Variants in HDAC4 observed in about 807,000 individuals in gnomAD.
The protein encoded by HDAC4 is histone deacetylase 4.
Under a neutral mutation model 135.1 loss-of-function variants are expected in HDAC4, and 16 were observed. The ratio of observed to expected loss-of-function variants is 0.12; its 90% CI spans 0.08 to 0.18. HDAC4 has a LOEUF of 0.18. Among genes scored for constraint, HDAC4 ranks in the 10% least tolerant of loss-of-function variants. The probability of loss-of-function intolerance (pLI) is 1.00; values close to 1 mark genes in which losing one functional copy is unlikely to be tolerated. For missense variants in HDAC4, 1,143 were observed against 1,511.8 expected (o/e 0.76, Z 4.05); for synonymous variants, 685 against 653.4 (o/e 1.05, Z -0.74).
chr2:239,314,226 C>T (rs930273858), intron 2 of HDAC4, among the ~76,000 whole-genome samples: 20 of 152,136 alleles, frequency 1.3e-4, no homozygotes, highest in African/African-American at 3.6e-4. Context: ...CCAAGAAGGA[C>T]GGACATAAAG....
intron 1 of HDAC4, among the ~76,000 whole-genome samples, chr2:239,361,664 C>T (rs1268243540): frequency 6.6e-6 from 1 of 152,216 alleles, no homozygotes; most frequent in African/African-American, 2.4e-5. Context: ...GCAGTCTTTT[C>T]TATTGGATAT....
intron 3 of HDAC4, among the ~76,000 whole-genome samples, chr2:239,212,284 G>A (rs747040308): frequency 2.0e-5 from 3 of 152,116 alleles, no homozygotes; most frequent in African/African-American, 4.8e-5. Flanking sequence ...TGAGCTGGGC[G>A]GGCAGGGGGC....
At chr2:239,255,656 G>A (rs1030338785) in intron 2 of HDAC4, among the ~76,000 whole-genome samples, 3 of 152,192 alleles carry the variant, frequency 2.0e-5, no homozygotes, top group Admixed American at 1.3e-4. Flanking sequence ...AGGAGGAAGA[G>A]GAGGCCACTG....
chr2:239,076,416 C>A (rs186124381), intron 22 of HDAC4, among the ~76,000 whole-genome samples: 4 of 152,374 alleles, frequency 2.6e-5, no homozygotes, highest in Admixed American at 2.6e-4. Flanking sequence ...TCCTCAAAAG[C>A]CACAACTGCA....
At chr2:239,069,923 G>A (rs1459221413) in intron 22 of HDAC4, among the ~76,000 whole-genome samples, 1 of 152,220 alleles carries the variant, frequency 6.6e-6, no homozygotes, top group African/African-American at 2.4e-5. Flanking sequence ...GCATTAACCT[G>A]GGGGAGTGAA....
chr2:239,290,668 T>C (rs919891176), intron 2 of HDAC4, among the ~76,000 whole-genome samples: 3 of 151,898 alleles, frequency 2.0e-5, no homozygotes, highest in Non-Finnish European at 4.4e-5. Context: ...CGCGCACGCA[T>C]GCATTCAGTT....
intron 3 of HDAC4, chr2:239,191,173 C>G (rs2044923411): frequency 2.8e-6 from 1 of 360,500 alleles, no homozygotes; most frequent in Non-Finnish European, 5.6e-6. Context: ...GAGGTGGGGC[C>G]TTGCCCTCTA....
intron 2 of HDAC4, among the ~76,000 whole-genome samples, chr2:239,339,824 C>T (rs74933865): frequency 6.6e-6 from 1 of 152,190 alleles, no homozygotes; most frequent in African/African-American, 2.4e-5. Flanking sequence ...AAGAAACACC[C>T]TCCCCACATG....
intron 20 of HDAC4, among the ~76,000 whole-genome samples, chr2:239,082,838 G>C (rs150824682): frequency 6.6e-6 from 1 of 152,252 alleles, no homozygotes; most frequent in Non-Finnish European, 1.5e-5. Flanking sequence ...GCAGCCTGGG[G>C]CTTTACTGAC....
chr2:239,140,738 TGGAGG>T, intron 8 of HDAC4: 1 of 284,364 alleles, frequency 3.5e-6, no homozygotes, highest in South Asian at 2.9e-5. Flanking sequence ...GTGGGGGCCC[TGGAGG>T]GGAGGTTAAG....
chr2:239,368,481 CAAGATT>C (rs1453493190), intron 1 of HDAC4, among the ~76,000 whole-genome samples: 1 of 152,160 alleles, frequency 6.6e-6, no homozygotes, highest in Non-Finnish European at 1.5e-5. Flanking sequence ...GAAACAAACT[CAAGATT>C]GACAGGGTGC....
chr2:239,226,287 G>GA (rs113135764), intron 3 of HDAC4, among the ~76,000 whole-genome samples: 43 of 150,216 alleles, frequency 2.9e-4, no homozygotes, highest in South Asian at 2.7e-3. Flanking sequence ...ATTCTCAGTG[G>GA]AAAAAAAAAA....
In HDAC4 at chr2:239,134,348, C is replaced by T. The variant is rs750687794; in HGVS notation, c.1191G>A (p.Leu397=). The change falls in exon 11 of 27, where the codon CTG becomes CTA. Residue 397 remains leucine, a synonymous_variant. Coordinates refer to ENST00000543185, the MANE Select transcript of HDAC4 (RefSeq NM_001378414.1). Reference sequence around the variant, plus strand: ...CGTCCCGCTCCAAGGGCGAGGTGCTCAGGTAGGGAGTGAGGTGGGTGCCGG... The same window carrying T: ...CGTCCCGCTCCAAGGGCGAGGTGCTTAGGTAGGGAGTGAGGTGGGTGCCGG... ...LFPGTHLTPY[L]STSPLERDGG... is the part of the protein sequence containing the mutation. 2 of 1,613,944 alleles carry T rather than the reference C, an allele frequency of 1.2e-6. No individual in the cohort carries two copies. The highest frequency in any genetic ancestry group is 8.5e-7 in the Non-Finnish European group (1 of 1,179,998).
chr2:239,317,874 A>G (rs1004486640), intron 2 of HDAC4, among the ~76,000 whole-genome samples: 17 of 152,138 alleles, frequency 1.1e-4, no homozygotes, highest in Non-Finnish European at 2.9e-5. Context: ...ATTTCACTTA[A>G]AAGTCAGTTT....
At chr2:239,121,570 A>G (rs1024839847) in intron 12 of HDAC4, among the ~76,000 whole-genome samples, 30 of 152,202 alleles carry the variant, frequency 2.0e-4, no homozygotes, top group African/African-American at 7.2e-4. Context: ...TCCTTTAGTG[A>G]CAACATTCCC....
At chr2:239,104,235 T>C (rs2037922978) in intron 15 of HDAC4, among the ~76,000 whole-genome samples, 1 of 152,162 alleles carries the variant, frequency 6.6e-6, no homozygotes, top group African/African-American at 2.4e-5. Flanking sequence ...ATTTATTTTA[T>C]TTTATTTTTT....
At chr2:239,097,854 G>C (rs1179849173) in intron 16 of HDAC4, among the ~76,000 whole-genome samples, 1 of 152,200 alleles carries the variant, frequency 6.6e-6, no homozygotes, top group East Asian at 1.9e-4. Context: ...GCCTTGGTGA[G>C]TGGCTGAGTA....
At chr2:239,275,628 T>C (rs1233116110) in intron 2 of HDAC4, among the ~76,000 whole-genome samples, 2 of 152,120 alleles carry the variant, frequency 1.3e-5, no homozygotes, top group Non-Finnish European at 2.9e-5. Flanking sequence ...GGTCTGTGTG[T>C]GTGCGGGTGG....
chr2:239,321,893 CCAGGTTCTTGA>C, intron 2 of HDAC4, among the ~76,000 whole-genome samples: 1 of 152,158 alleles, frequency 6.6e-6, no homozygotes, highest in South Asian at 2.1e-4. Flanking sequence ...TGCGAGTCGT[CCAGGTTCTTGA>C]CATGTTGAAC....
Sources: allele counts gnomAD v4.1 joint callset (sites outside exome capture counted in the v4.1 genomes callset), GRCh38; gene constraint gnomAD v4.1.1; transcripts MANE v1.5; gene names NCBI Gene and HGNC (gene_info 2026-07-23, HGNC 2026-07-21).